Variants in PCTP observed in about 807,000 individuals in gnomAD.
PCTP encodes the protein phosphatidylcholine transfer protein.
In PCTP, 27 loss-of-function variants were observed where a neutral mutation model predicts 31.0. That is an observed-to-expected ratio of 0.87 (90% CI 0.64 to 1.20). PCTP has a LOEUF of 1.20. Among genes scored for constraint, PCTP ranks in the 50% most tolerant of loss-of-function variants. The pLI, the probability that PCTP is intolerant of heterozygous loss-of-function variation, is 0.00. For missense variants in PCTP, 287 were observed against 268.2 expected (o/e 1.07, Z -0.49); for synonymous variants, 108 against 101.2 (o/e 1.07, Z -0.40).
intron 5 of PCTP, 29 bp downstream of exon 5, chr17:55,774,888 A>AGGG: frequency 3.2e-6 from 1 of 314,590 alleles, no homozygotes; most frequent in Non-Finnish European, 6.2e-6. Flanking sequence ...GGGCGGGGGG[A>AGGG]GGGATGGGGG....
chr17:55,816,449 C>A (rs1483245768), intron 3 of PCTP, among the ~76,000 whole-genome samples: 1 of 152,148 alleles, frequency 6.6e-6, no homozygotes, highest in Non-Finnish European at 1.5e-5. Flanking sequence ...TTTAGCAAGG[C>A]TATATTAGTT....
downstream of PCTP, among the ~76,000 whole-genome samples, chr17:55,781,047 A>G (rs1911547533): frequency 6.6e-6 from 1 of 151,974 alleles, no homozygotes; most frequent in South Asian, 2.1e-4. Flanking sequence ...CTTTGCCTAT[A>G]CCAACTCATG....
chr17:55,833,093 A>G (rs1012194062), intron 5 of PCTP, among the ~76,000 whole-genome samples: 12 of 152,158 alleles, frequency 7.9e-5, no homozygotes, highest in African/African-American at 2.9e-4. Flanking sequence ...TGGTCTTTGA[A>G]TGTGTTCGCT....
At position 55,788,396 on chromosome 17, in the gene PCTP, A is replaced by C. The variant is rs114972502; in HGVS notation, c.317+742A>C. On this transcript the variant is annotated intron_variant, in intron 3 of 3. Coordinates refer to the PCTP transcript ENST00000572536. ...ATGTTACTAACTGATTAGAGACCAT[A>C]TTATTGGCTTCTTTAGCCAAACCCC... 5.3e-3 allele frequency among the ~76,000 whole-genome samples: 800 copies of C among 152,306 alleles called. 8 individuals carry two copies. The highest frequency in any genetic ancestry group is 0.018 in the African/African-American group (744 of 41,582).
intron 3 of PCTP, among the ~76,000 whole-genome samples, chr17:55,815,528 C>T (rs757288300): frequency 3.9e-5 from 6 of 152,078 alleles, no homozygotes; most frequent in Non-Finnish European, 7.4e-5. Flanking sequence ...TTATTTATTT[C>T]GTGGGCTGCT....
intron 5 of PCTP, among the ~76,000 whole-genome samples, chr17:55,838,990 G>A (rs952391902): frequency 6.6e-6 from 1 of 152,094 alleles, no homozygotes; most frequent in African/African-American, 2.4e-5. Context: ...TGAGGCTCAT[G>A]GTTAACAAAA....
At chr17:55,792,321 A>G (rs1912024395) in intron 3 of PCTP, among the ~76,000 whole-genome samples, 1 of 137,754 alleles carries the variant, frequency 7.3e-6, no homozygotes, top group South Asian at 2.1e-4. Context: ...ATAAATAAAA[A>G]AAAGAAAAAA....
intron 3 of PCTP, among the ~76,000 whole-genome samples, chr17:55,818,884 G>A (rs886445566): frequency 6.6e-6 from 1 of 151,944 alleles, no homozygotes; most frequent in Non-Finnish European, 1.5e-5. Context: ...GGTCAGAAGG[G>A]TGGCCAGGAG....
At chr17:55,759,525 C>A (rs1910227920) in intron 1 of PCTP, among the ~76,000 whole-genome samples, 2 of 152,266 alleles carry the variant, frequency 1.3e-5, no homozygotes, top group South Asian at 4.2e-4. Context: ...ATTTTTCATA[C>A]CATCTGAGTC....
At position 55,767,458 on chromosome 17, in the gene PCTP, T is replaced by A; in HGVS notation, c.259+6T>A. 6.6e-7 allele frequency: 1 copy of A among 1,510,392 alleles called. No individual in the cohort carries two copies. Among genetic ancestry groups the A allele is most frequent in the Non-Finnish European group, 8.9e-7 (1 of 1,118,406 alleles). The allele number at this position is 1,510,392 out of a possible 1,614,324, so 93.6% of individuals were successfully genotyped here. ...ATGGGACCAGTATGTTAAAGGTGAG[T>A]GATGCTTGCTTTTCTTTTTTTTTTA... On this transcript the variant is annotated splice_donor_region_variant and intron_variant, in intron 2 of 5. Coordinates refer to ENST00000268896, the MANE Select transcript of PCTP (RefSeq NM_021213.4).
chr17:55,806,502 T>C (rs1363949057), intron 3 of PCTP, among the ~76,000 whole-genome samples: 2 of 152,164 alleles, frequency 1.3e-5, no homozygotes, highest in Non-Finnish European at 2.9e-5. Flanking sequence ...AAATTACCAC[T>C]GAATTTACCC....
intron 5 of PCTP, among the ~76,000 whole-genome samples, chr17:55,835,348 A>G (rs1221047793): frequency 3.9e-5 from 6 of 152,162 alleles, no homozygotes; most frequent in Non-Finnish European, 7.4e-5. Flanking sequence ...TTCAAGCACC[A>G]CAAAAGCCTA....
chr17:55,812,001 T>C (rs1345710823), intron 3 of PCTP, among the ~76,000 whole-genome samples: 1 of 152,230 alleles, frequency 6.6e-6, no homozygotes, highest in Non-Finnish European at 1.5e-5. Context: ...TTTTATTACA[T>C]TGAATCTTCC....
rs1354079790 is a variant in PCTP at position 55,766,298 on chromosome 17, A to C, written c.142-1037A>C. ...TATTATACTTTAAGTTTTAGGGTAC[A>C]TGTGCACAATGTGCAGGTTAGTTAC... On this transcript the variant is annotated intron_variant, in intron 1 of 5. Transcript: ENST00000268896. Among the ~76,000 whole-genome samples the C allele has an allele frequency of 4.0e-5, 6 of 149,650 alleles. No individual in the cohort carries two copies. The Admixed American group carries it at 4.0e-4, about 10-fold the overall frequency.
Position 55,818,425 on chromosome 17 carries a change from A to G in PCTP, c.318-4336A>G, listed in dbSNP as rs373294525. ...AGTATCACTCTTTTTTGCTCTAAGC[A>G]GATAGATCTTGCAGATCTGTAAAAA... On this transcript the variant is annotated intron_variant, in intron 3 of 3. Transcript: ENST00000572536. Among the ~76,000 whole-genome samples the G allele has an allele frequency of 3.9e-5, 6 of 152,356 alleles. No homozygotes were observed. The East Asian group carries it at 1.2e-3, about 29-fold the overall frequency.
intron 1 of PCTP, among the ~76,000 whole-genome samples, chr17:55,765,428 T>C (rs1254430417): frequency 6.6e-6 from 1 of 152,202 alleles, no homozygotes; most frequent in East Asian, 1.9e-4. Flanking sequence ...ACTTGGGTTA[T>C]GAAAGTTATC....
At chr17:55,845,096 A>C (rs1421400322), downstream of PCTP, among the ~76,000 whole-genome samples, 1 of 147,060 alleles carries the variant, frequency 6.8e-6, no homozygotes, top group African/African-American at 2.6e-5. Flanking sequence ...AAAAAAAAAA[A>C]AAAAAAAAAA....
intron 3 of PCTP, among the ~76,000 whole-genome samples, chr17:55,812,166 T>C (rs1912772621): frequency 6.6e-6 from 1 of 152,204 alleles, no homozygotes; most frequent in Non-Finnish European, 1.5e-5. Context: ...AAGGTGCTTC[T>C]AGTTCACTTT....
In PCTP at chr17:55,751,249, C is replaced by G; in HGVS notation, c.141+5C>G. The stretch of plus-strand genomic sequence containing the variant: ...ATCTACCGGCTGCTGGACAAGGTAG[C>G]GGCCAACCCGCTGGAGGACCGCGGG... On this transcript the variant is annotated splice_donor_5th_base_variant and intron_variant, in intron 1 of 5. Coordinates refer to ENST00000268896, the MANE Select transcript of PCTP (RefSeq NM_021213.4). 1.3e-6 allele frequency: 2 copies of G among 1,534,000 alleles called. No individual in the cohort carries two copies. Among genetic ancestry groups the G allele is most frequent in the Non-Finnish European group, 1.8e-6 (2 of 1,139,332 alleles).
Sources: allele counts gnomAD v4.1 joint callset (sites outside exome capture counted in the v4.1 genomes callset), GRCh38; gene constraint gnomAD v4.1.1; transcripts MANE v1.5; gene names NCBI Gene and HGNC (gene_info 2026-07-23, HGNC 2026-07-21).